The following LACTB2 variants were observed in gnomAD, a reference collection of about 807,000 sequenced individuals.
LACTB2 encodes the protein endoribonuclease LACTB2.
A neutral mutation model predicts 34.8 loss-of-function variants in LACTB2; 32 were observed. The observed-to-expected ratio is 0.92, with a 90% CI of 0.69 to 1.24. The LOEUF is 1.24. LACTB2 is among the 50% of genes most tolerant of loss of function. The probability of loss-of-function intolerance (pLI) is 0.00; values close to 1 mark genes in which losing one functional copy is unlikely to be tolerated. For missense variants in LACTB2, 320 were observed against 345.0 expected (o/e 0.93, Z 0.57); for synonymous variants, 120 against 117.5 (o/e 1.02, Z -0.14).
chr8:70,644,202 A>C lies in LACTB2; in HGVS notation c.455T>G (p.Leu152Arg). ...TPGHTDDHMA[L>R]LLEEENAIFS... ...GATAGCATTTTCCTCTTCTAAGAGT[A>C]GAGCCATGTGATCATCAGTGTGGCC... The change falls in exon 4 of 7, where the codon CTA (leucine) becomes CGA (arginine). Residue 152 changes from leucine (L) to arginine (R), a missense_variant. Coordinates refer to ENST00000276590, the MANE Select transcript of LACTB2 (RefSeq NM_016027.3). 6.2e-7 allele frequency: 1 copy of C among 1,611,880 alleles called. No individual in the cohort carries two copies. Among genetic ancestry groups the C allele is most frequent in the African/African-American group, 1.3e-5 (1 of 74,966 alleles).
At chr8:70,654,106 G>GT (rs1476251744) in intron 3 of LACTB2, 3 of 152,182 alleles carry the variant, frequency 2.0e-5, no homozygotes, top group Non-Finnish European at 2.9e-5. Context: ...ATACAACTTA[G>GT]TAAGTGCTAT....
At chr8:70,640,654 A>G (rs913365047) in intron 5 of LACTB2, 4 of 246,660 alleles carry the variant, frequency 1.6e-5, no homozygotes, top group Non-Finnish European at 2.3e-5. Context: ...TCTCCTACAT[A>G]GTTAGGCAGT....
chr8:70,638,596 G>T lies in LACTB2; in HGVS notation c.775C>A (p.His259Asn). The T allele has an allele frequency of 6.7e-7, 1 of 1,491,088 alleles. No individual in the cohort carries two copies. The highest frequency in any genetic ancestry group is 8.9e-7 in the Non-Finnish European group (1 of 1,117,758). 92.4% of individuals were successfully genotyped at this position (1,491,088 alleles called of 1,614,324 possible). The change falls in exon 6 of 7, where the codon CAT becomes AAT. Residue 259 changes from histidine (H) to asparagine (N), a missense_variant. Transcript: ENST00000276590. ...TTTTTCAAATGAAGTAAGAGATTATGTTTAGCCATTTCATGTAAATTCTCA... is the reference window on the plus strand; with the variant it reads ...TTTTTCAAATGAAGTAAGAGATTATTTTTAGCCATTTCATGTAAATTCTCA... Reference protein sequence around the residue: ...TPENLHEMAKHNLLLHLKKLE... With the variant: ...TPENLHEMAKNNLLLHLKKLE...
chr8:70,640,796 G>A, intron 5 of LACTB2, 106 bp downstream of exon 5: 5 of 1,226,722 alleles, frequency 4.1e-6, no homozygotes, highest in Non-Finnish European at 4.3e-6. Context: ...CTAGAAAAGT[G>A]GCGTAACTTC....
intron 3 of LACTB2, chr8:70,654,577 T>TA (rs957731935): frequency 2.0e-5 from 3 of 152,274 alleles, no homozygotes; most frequent in Non-Finnish European, 2.9e-5. Flanking sequence ...ATTTTTTTTT[T>TA]AGAGATGGGT....
intron 1 of LACTB2, among the ~76,000 whole-genome samples, chr8:70,663,646 T>C (rs984171972): frequency 1.3e-5 from 2 of 152,110 alleles, no homozygotes; most frequent in Non-Finnish European, 2.9e-5. Context: ...AGGGAAACAG[T>C]TGGCGACTCT....
chr8:70,663,887 C>A (rs1023600201), intron 1 of LACTB2, among the ~76,000 whole-genome samples: 2 of 152,062 alleles, frequency 1.3e-5, no homozygotes, highest in African/African-American at 4.8e-5. Flanking sequence ...AAATTTGAGT[C>A]CCTTCAGGGC....
chr8:70,650,527 C>T (rs993610928), intron 3 of LACTB2, among the ~76,000 whole-genome samples: 2 of 151,922 alleles, frequency 1.3e-5, no homozygotes, highest in Non-Finnish European at 2.9e-5. Context: ...GTCAGGAGTT[C>T]GAGATCAGCC....
intron 1 of LACTB2, among the ~76,000 whole-genome samples, chr8:70,663,836 TA>T (rs1417537389): frequency 1.3e-5 from 2 of 152,236 alleles, no homozygotes; most frequent in Admixed American, 6.5e-5. Context: ...TTTACATATT[TA>T]TTTTTTTATT....
Position 70,640,101 on chromosome 8 carries a change from C to T in LACTB2, c.741+801G>A, listed in dbSNP as rs1818177157. 7.9e-5 allele frequency among the ~76,000 whole-genome samples: 12 copies of T among 152,172 alleles called. 1 individual carries two copies. The highest frequency in any genetic ancestry group is 7.9e-4 in the Admixed American group (12 of 15,272). On this transcript the variant is annotated intron_variant, in intron 5 of 6. Transcript: ENST00000276590. ...TCAACCACCCGAGCAGCTGGGATCA[C>T]AGGCATGTTCCATGACACCTGGCTC...
At chr8:70,646,054 C>G (rs901462512) in intron 3 of LACTB2, 1 of 152,112 alleles carries the variant, frequency 6.6e-6, no homozygotes, top group African/African-American at 2.4e-5. Flanking sequence ...GTTCTAGATC[C>G]CTGAGGAATC....
At chr8:70,668,839 C>A (rs1371752481) in intron 1 of LACTB2, among the ~76,000 whole-genome samples, 160 bp downstream of exon 1, 1 of 149,056 alleles carries the variant, frequency 6.7e-6, no homozygotes, top group African/African-American at 2.5e-5. Context: ...GCTTCGAGAT[C>A]CGAGTGTCTG....
chr8:70,650,184 T>C (rs746482678), intron 3 of LACTB2, among the ~76,000 whole-genome samples: 14 of 152,250 alleles, frequency 9.2e-5, no homozygotes, highest in African/African-American at 1.4e-4. Flanking sequence ...GATCTGATTA[T>C]AGTTTAATTT....
At chr8:70,643,937 A>C in intron 4 of LACTB2, 128 bp downstream of exon 4, 35 of 840,320 alleles carry the variant, frequency 4.2e-5, no homozygotes, top group East Asian at 6.4e-5. Flanking sequence ...CTGTATACCC[A>C]GCGCTTTGGG....
chr8:70,644,292 T>A (rs779232208), intron 3 of LACTB2, 49 bp from the exon 4 acceptor site: 3 of 1,299,168 alleles, frequency 2.3e-6, no homozygotes, highest in Non-Finnish European at 3.1e-6. Flanking sequence ...AACTCGAGCT[T>A]AGAAGAAATT....
intron 4 of LACTB2, among the ~76,000 whole-genome samples, chr8:70,641,883 A>G (rs565437871): frequency 6.6e-6 from 1 of 152,196 alleles, no homozygotes; most frequent in Non-Finnish European, 1.5e-5. Flanking sequence ...ACACAGACCT[A>G]TCATTTATTT....
chr8:70,637,413 C>A lies in LACTB2; in HGVS notation c.*447G>T, dbSNP rs771228434. 6.6e-6 allele frequency: 1 copy of A among 151,968 alleles called. No individual in the cohort carries two copies. The highest frequency in any genetic ancestry group is 1.5e-5 in the Non-Finnish European group (1 of 68,020). The allele number at this position is 151,968 out of a possible 1,614,324, so 9.4% of individuals were successfully genotyped here. ...GATATAGTTGATAGAAACATCAAGA[C>A]AAAGCAATTATGTACAGATAGAGAC... On this transcript the variant is annotated 3_prime_UTR_variant, in exon 7 of 7. Transcript: ENST00000276590.
intron 3 of LACTB2, among the ~76,000 whole-genome samples, chr8:70,650,588 GGC>G (rs1331196430): frequency 6.6e-6 from 1 of 151,846 alleles, no homozygotes; most frequent in Non-Finnish European, 1.5e-5. Flanking sequence ...AAATTAGCTG[GGC>G]GTGGTGGCGG....
At chr8:70,649,108 A>G (rs1320215501) in intron 3 of LACTB2, among the ~76,000 whole-genome samples, 1 of 152,218 alleles carries the variant, frequency 6.6e-6, no homozygotes, top group South Asian at 2.1e-4. Context: ...ATACTTTCAG[A>G]TATCTAAGGT....
Sources: gnomAD v4.1 joint callset for allele counts (sites outside exome capture counted in the v4.1 genomes callset) on GRCh38, gnomAD v4.1.1 for gene constraint, MANE v1.5 for transcripts, NCBI Gene and HGNC (gene_info 2026-07-23, HGNC 2026-07-21) for gene names.